The following IMMP2L variants were observed in gnomAD, a reference collection of about 807,000 sequenced individuals.
IMMP2L encodes inner mitochondrial membrane peptidase subunit 2.
Under a neutral mutation model 19.3 loss-of-function variants are expected in IMMP2L, and 18 were observed. That is an observed-to-expected ratio of 0.93 (90% CI 0.64 to 1.38). The LOEUF is 1.38. IMMP2L is among the 40% of genes most tolerant of loss of function. IMMP2L has a pLI of 0.00. For missense variants in IMMP2L, 233 were observed against 218.2 expected (o/e 1.07, Z -0.43); for synonymous variants, 76 against 73.0 (o/e 1.04, Z -0.21).
At chr7:110,753,172 G>A (rs1453657126) in intron 5 of IMMP2L, among the ~76,000 whole-genome samples, 1 of 151,890 alleles carries the variant, frequency 6.6e-6, no homozygotes, top group Non-Finnish European at 1.5e-5. Flanking sequence ...TTGCTTTTTT[G>A]TAAATCAACA....
chr7:111,430,155 TATA>T (rs1320397806), intron 3 of IMMP2L, among the ~76,000 whole-genome samples: 1 of 151,868 alleles, frequency 6.6e-6, no homozygotes, highest in East Asian at 1.9e-4. Context: ...AAATTCTTAT[TATA>T]ATATTAAAAT....
At chr7:111,214,331 CTTTTTTTTTTTT>C (rs1169450523) in intron 3 of IMMP2L, among the ~76,000 whole-genome samples, 1 of 82,194 alleles carries the variant, frequency 1.2e-5, no homozygotes, top group African/African-American at 5.3e-5. Context: ...AATTTTTCTT[CTTTTTTTTTTTT>C]TTTTTTTTTT....
At chr7:111,316,331 CAAAG>C (rs1244245455) in intron 3 of IMMP2L, among the ~76,000 whole-genome samples, 1 of 151,286 alleles carries the variant, frequency 6.6e-6, no homozygotes, top group Non-Finnish European at 1.5e-5. Flanking sequence ...GACTCATAGA[CAAAG>C]AAAGAACATG....
intron 3 of IMMP2L, among the ~76,000 whole-genome samples, chr7:111,014,884 CA>C (rs1429418617): frequency 3.3e-5 from 5 of 152,056 alleles, no homozygotes; most frequent in African/African-American, 1.2e-4. Context: ...ACCTATCAAA[CA>C]AAAGAAAACA....
At chr7:111,173,668 G>A (rs1406326051) in intron 3 of IMMP2L, among the ~76,000 whole-genome samples, 1 of 151,730 alleles carries the variant, frequency 6.6e-6, no homozygotes, top group Non-Finnish European at 1.5e-5. Context: ...GAGTAACAGT[G>A]TCATTTCCAA....
chr7:111,286,914 T>C (rs1405856059), intron 3 of IMMP2L, among the ~76,000 whole-genome samples: 1 of 152,136 alleles, frequency 6.6e-6, no homozygotes, highest in Non-Finnish European at 1.5e-5. Context: ...CCAATCACCA[T>C]GCTGTAAAAG....
At chr7:110,969,844 C>G (rs1819954662) in intron 3 of IMMP2L, among the ~76,000 whole-genome samples, 1 of 152,010 alleles carries the variant, frequency 6.6e-6, no homozygotes, top group Admixed American at 6.6e-5. Context: ...TGGAGAGATT[C>G]CAGTCAGGTT....
intron 2 of IMMP2L, among the ~76,000 whole-genome samples, chr7:111,487,920 G>T (rs1429890827): frequency 6.6e-6 from 1 of 152,026 alleles, no homozygotes; most frequent in Non-Finnish European, 1.5e-5. Flanking sequence ...GCCTAATAAG[G>T]GGCTTTCATC....
chr7:110,755,797 C>T (rs1360735785), intron 5 of IMMP2L, among the ~76,000 whole-genome samples: 1 of 152,036 alleles, frequency 6.6e-6, no homozygotes, highest in African/African-American at 2.4e-5. Context: ...GAAACAACAT[C>T]AGGTGCTACA....
At chr7:110,922,523 A>T (rs1814402339) in intron 4 of IMMP2L, among the ~76,000 whole-genome samples, 2 of 152,166 alleles carry the variant, frequency 1.3e-5, no homozygotes, top group South Asian at 4.1e-4. Flanking sequence ...AACTATCTAA[A>T]TCCACTTGAC....
intron 3 of IMMP2L, among the ~76,000 whole-genome samples, chr7:111,011,912 G>A (rs1243997314): frequency 6.6e-6 from 1 of 151,984 alleles, no homozygotes; most frequent in Non-Finnish European, 1.5e-5. Context: ...GCCATTTCCT[G>A]CCATCCTGTA....
chr7:110,886,496 C>A, intron 5 of IMMP2L, 97 bp downstream of exon 5: 1 of 678,928 alleles, frequency 1.5e-6, no homozygotes, highest in East Asian at 2.6e-5. Flanking sequence ...ATTTCATGAT[C>A]AGTCTTGGCT....
chr7:111,487,356 G>A lies in IMMP2L; in HGVS notation c.136-15C>T. ...TTCAAAGAAGGCTAGAAAATAAGGAGAAAGAGACACTTCTATCATTTGTAT... is the reference window on the plus strand; with the variant it reads ...TTCAAAGAAGGCTAGAAAATAAGGAAAAAGAGACACTTCTATCATTTGTAT... On this transcript the variant is annotated splice_polypyrimidine_tract_variant and intron_variant, in intron 2 of 5. Coordinates refer to ENST00000405709, the MANE Select transcript of IMMP2L (RefSeq NM_032549.4). The A allele has an allele frequency of 3.6e-6, 5 of 1,391,654 alleles. No individual in the cohort carries two copies. Among genetic ancestry groups the A allele is most frequent in the Non-Finnish European group, 5.1e-6 (5 of 977,564 alleles). The allele number at this position is 1,391,654 out of a possible 1,614,324, so 86.2% of individuals were successfully genotyped here.
chr7:111,077,083 T>C (rs1344821788), intron 3 of IMMP2L, among the ~76,000 whole-genome samples: 1 of 152,204 alleles, frequency 6.6e-6, no homozygotes, highest in Non-Finnish European at 1.5e-5. Context: ...GTGCAGAAAT[T>C]CACAACCTAA....
At chr7:111,494,039 G>A (rs1190493390) in intron 2 of IMMP2L, among the ~76,000 whole-genome samples, 1 of 152,014 alleles carries the variant, frequency 6.6e-6, no homozygotes, top group African/African-American at 2.4e-5. Flanking sequence ...TCAAATCGAT[G>A]AAGTTAAACA....
chr7:110,821,785 T>C (rs1243301721), intron 5 of IMMP2L, among the ~76,000 whole-genome samples: 1 of 151,688 alleles, frequency 6.6e-6, no homozygotes, highest in East Asian at 1.9e-4. Context: ...TACCTGGGCG[T>C]GGTGGCGCAT....
intron 3 of IMMP2L, among the ~76,000 whole-genome samples, chr7:111,387,000 G>C (rs1831824767): frequency 6.6e-6 from 1 of 152,126 alleles, no homozygotes; most frequent in Admixed American, 6.6e-5. Flanking sequence ...ATTTGATTTT[G>C]CTTCTTATAT....
chr7:111,540,135 A>T (rs1407245879), intron 1 of IMMP2L, among the ~76,000 whole-genome samples: 1 of 152,188 alleles, frequency 6.6e-6, no homozygotes, highest in Non-Finnish European at 1.5e-5. Flanking sequence ...TAGTAGAAAG[A>T]TTACCTTAAA....
intron 4 of IMMP2L, among the ~76,000 whole-genome samples, chr7:110,911,682 C>A (rs146327516): frequency 6.6e-6 from 1 of 152,160 alleles, no homozygotes; most frequent in East Asian, 1.9e-4. Context: ...TTTTCCTTTC[C>A]CATTTTGACA....
Sources: allele counts gnomAD v4.1 joint callset (sites outside exome capture counted in the v4.1 genomes callset), GRCh38; gene constraint gnomAD v4.1.1; transcripts MANE v1.5; gene names NCBI Gene and HGNC (gene_info 2026-07-23, HGNC 2026-07-21).